LMNTD1: variants seen among roughly 807,000 people sequenced by gnomAD.
LMNTD1 encodes the protein lamin tail domain-containing protein 1.
Under a neutral mutation model 50.9 loss-of-function variants are expected in LMNTD1, and 35 were observed. The ratio of observed to expected loss-of-function variants is 0.69; its 90% CI spans 0.53 to 0.91. The LOEUF is 0.91. LMNTD1 is among the 40% of genes least tolerant of loss of function. LMNTD1 has a pLI of 0.00. For missense variants in LMNTD1, 470 were observed against 475.5 expected (o/e 0.99, Z 0.11); for synonymous variants, 153 against 161.9 (o/e 0.94, Z 0.42).
chr12:25,648,561 T>C (rs1275305256), upstream of LMNTD1: 3 of 1,550,914 alleles, frequency 1.9e-6, no homozygotes, highest in Admixed American at 3.9e-5. Flanking sequence ...TGTAGTGTCC[T>C]TAAGCTTCTT....
At chr12:25,592,299 G>A (rs1428114915) in intron 1 of LMNTD1, among the ~76,000 whole-genome samples, 1 of 152,200 alleles carries the variant, frequency 6.6e-6, no homozygotes, top group African/African-American at 2.4e-5. Flanking sequence ...CAGAATGACT[G>A]CAGGCATACA....
At chr12:25,577,135 A>C (rs1391420471) in intron 1 of LMNTD1, among the ~76,000 whole-genome samples, 1 of 152,188 alleles carries the variant, frequency 6.6e-6, no homozygotes, top group Non-Finnish European at 1.5e-5. Context: ...TGATGCTGCC[A>C]GCTTTGTTCT....
chr12:25,551,284 A>G (rs920614071), intron 2 of LMNTD1, among the ~76,000 whole-genome samples: 2 of 152,188 alleles, frequency 1.3e-5, no homozygotes, highest in Non-Finnish European at 2.9e-5. Flanking sequence ...ATTTAATTCC[A>G]CAGAAGACTC....
chr12:25,573,880 C>T (rs1341385686), intron 1 of LMNTD1, among the ~76,000 whole-genome samples: 2 of 152,136 alleles, frequency 1.3e-5, no homozygotes, highest in Admixed American at 1.3e-4. Flanking sequence ...ACCTGCCTAA[C>T]TGGACTTGAG....
chr12:25,575,965 T>G (rs549704514), intron 1 of LMNTD1, among the ~76,000 whole-genome samples: 3 of 152,172 alleles, frequency 2.0e-5, no homozygotes. Context: ...CTTGCGATAC[T>G]TTGCTCAGAA....
intron 1 of LMNTD1, among the ~76,000 whole-genome samples, chr12:25,563,767 C>G (rs908783798): frequency 6.6e-6 from 1 of 152,222 alleles, no homozygotes; most frequent in African/African-American, 2.4e-5. Context: ...GGCAGGCAGG[C>G]CTCCTTGAGC....
At chr12:25,581,633 A>T (rs1159731757) in intron 1 of LMNTD1, among the ~76,000 whole-genome samples, 1 of 152,238 alleles carries the variant, frequency 6.6e-6, no homozygotes, top group Non-Finnish European at 1.5e-5. Context: ...AGTTTAGAAA[A>T]TATACAGTTG....
intron 1 of LMNTD1, among the ~76,000 whole-genome samples, chr12:25,562,102 T>C (rs1409060268): frequency 6.6e-6 from 1 of 152,210 alleles, no homozygotes; most frequent in East Asian, 1.9e-4. Flanking sequence ...TTTGCCACTC[T>C]GTGCCTTTTA....
chr12:25,590,790 AG>A (rs1945674394), intron 1 of LMNTD1, among the ~76,000 whole-genome samples: 1 of 152,146 alleles, frequency 6.6e-6, no homozygotes, highest in Non-Finnish European at 1.5e-5. Flanking sequence ...CCCCCTTTCC[AG>A]GACTTAGCTC....
intron 1 of LMNTD1, among the ~76,000 whole-genome samples, chr12:25,570,975 T>C (rs553225572): frequency 2.1e-4 from 32 of 152,316 alleles, no homozygotes; most frequent in Non-Finnish European, 4.1e-4. Flanking sequence ...CAAATCATGT[T>C]TAAAAGTACA....
intron 1 of LMNTD1, among the ~76,000 whole-genome samples, chr12:25,558,755 A>G (rs751974792): frequency 2.0e-5 from 3 of 152,172 alleles, no homozygotes; most frequent in African/African-American, 2.4e-5. Flanking sequence ...AACTCCCTTT[A>G]TAAAACCATC....
chr12:25,517,632 T>C (rs12824739), intron 8 of LMNTD1, among the ~76,000 whole-genome samples: 83,469 of 117,676 alleles, frequency 0.71, 30,850 homozygotes, highest in East Asian at 0.86. Flanking sequence ...GGGTGCAGCA[T>C]ACCAGCATGG....
At chr12:25,561,739 G>C (rs1292130762) in intron 1 of LMNTD1, among the ~76,000 whole-genome samples, 2 of 152,028 alleles carry the variant, frequency 1.3e-5, no homozygotes, top group Non-Finnish European at 2.9e-5. Flanking sequence ...TTGGCAGTGG[G>C]GTGTTAAAAT....
intron 1 of LMNTD1, among the ~76,000 whole-genome samples, chr12:25,600,067 C>A (rs1269263082): frequency 6.6e-6 from 1 of 151,874 alleles, no homozygotes; most frequent in Admixed American, 6.6e-5. Flanking sequence ...GCTATAGTAA[C>A]CAAAACAGCA....
At chr12:25,647,516 G>GA (rs1455732642) in intron 1 of LMNTD1, among the ~76,000 whole-genome samples, 1 of 151,882 alleles carries the variant, frequency 6.6e-6, no homozygotes, top group Admixed American at 6.6e-5. Flanking sequence ...AGTAAAAAAT[G>GA]AAAAAATAAA....
At chr12:25,643,969 A>G (rs1947006296) in intron 1 of LMNTD1, among the ~76,000 whole-genome samples, 1 of 152,202 alleles carries the variant, frequency 6.6e-6, no homozygotes, top group Non-Finnish European at 1.5e-5. Context: ...AGATAAAGTA[A>G]AAGAAATAAA....
intron 9 of LMNTD1, among the ~76,000 whole-genome samples, chr12:25,482,874 G>A (rs986003092): frequency 2.0e-5 from 3 of 151,884 alleles, no homozygotes; most frequent in South Asian, 2.1e-4. Flanking sequence ...CTGTGTTCAC[G>A]GAAAAGAATG....
At chr12:25,548,783 C>A (rs1469111782) in intron 3 of LMNTD1, among the ~76,000 whole-genome samples, 3 of 151,982 alleles carry the variant, frequency 2.0e-5, no homozygotes, top group Non-Finnish European at 2.9e-5. Context: ...ATAGTCAAAA[C>A]TTTACTTTTT....
intron 3 of LMNTD1, chr12:25,547,428 A>G (rs1943500128): frequency 6.6e-6 from 1 of 151,788 alleles, no homozygotes; most frequent in South Asian, 2.1e-4. Context: ...AGTGTCTAGC[A>G]TAATATTTAA....
Sources: allele counts gnomAD v4.1 joint callset (sites outside exome capture counted in the v4.1 genomes callset), GRCh38; gene constraint gnomAD v4.1.1; transcripts MANE v1.5; gene names NCBI Gene and HGNC (gene_info 2026-07-23, HGNC 2026-07-21).